The following ADGRL3 variants were observed in gnomAD, a reference collection of about 807,000 sequenced individuals.
The protein encoded by ADGRL3 is adhesion G protein-coupled receptor L3.
ADGRL3 carries 62 observed loss-of-function variants against 153.5 expected under a neutral mutation model. The observed-to-expected ratio is 0.40, with a 90% CI of 0.33 to 0.50. ADGRL3 has a LOEUF of 0.50. Among genes scored for constraint, ADGRL3 ranks in the 20% least tolerant of loss-of-function variants. The pLI is 0.47. For synonymous variants in ADGRL3, 710 were observed against 672.5 expected, an observed-to-expected ratio of 1.06 and a Z score of -0.86; for missense variants, 1,641 against 1,859.4, an observed-to-expected ratio of 0.88 and a Z score of 2.16.
At chr4:61,405,412 A>G (rs1163728516) in intron 2 of ADGRL3, among the ~76,000 whole-genome samples, 2 of 151,928 alleles carry the variant, frequency 1.3e-5, no homozygotes, top group South Asian at 2.1e-4. Flanking sequence ...ATTATGAGCT[A>G]CCTAGTTTAC....
intron 4 of ADGRL3, among the ~76,000 whole-genome samples, chr4:61,537,910 C>T (rs948944067): frequency 1.3e-5 from 2 of 152,084 alleles, no homozygotes; most frequent in African/African-American, 4.8e-5. Context: ...TCAACCTTCC[C>T]ATCGATCTCA....
At chr4:61,449,295 C>T (rs2097645824) in intron 2 of ADGRL3, among the ~76,000 whole-genome samples, 1 of 151,932 alleles carries the variant, frequency 6.6e-6, no homozygotes, top group Non-Finnish European at 1.5e-5. Flanking sequence ...CGCCACCACG[C>T]CCAGCTAATT....
chr4:61,748,393 C>T (rs1397163063), intron 8 of ADGRL3, among the ~76,000 whole-genome samples: 2 of 151,152 alleles, frequency 1.3e-5, no homozygotes, highest in Admixed American at 1.3e-4. Flanking sequence ...AAAGAGCCTG[C>T]ATTCCCAAGT....
At chr4:61,239,184 G>C (rs1387964644) in intron 1 of ADGRL3, among the ~76,000 whole-genome samples, 1 of 152,156 alleles carries the variant, frequency 6.6e-6, no homozygotes, top group Non-Finnish European at 1.5e-5. Context: ...GGTTAGGAGA[G>C]TCAAAGCATG....
chr4:61,270,760 C>T lies in ADGRL3; in HGVS notation c.-240+68995C>T, dbSNP rs1472252136. 2.0e-5 allele frequency among the ~76,000 whole-genome samples: 3 copies of T among 151,678 alleles called. No individual in the cohort carries two copies. In the East Asian group the frequency reaches 5.8e-4, roughly 29 times the overall value. ...TAATACATATGGAGTCTACTGCTTG[C>T]CATGCCCAAAGCACCTGATTTTCTC... On this transcript the variant is annotated intron_variant, in intron 1 of 26. Transcript: ENST00000683033.
intron 15 of ADGRL3, among the ~76,000 whole-genome samples, chr4:61,937,972 GT>G (rs1210154873): frequency 1.3e-5 from 2 of 152,066 alleles, no homozygotes; most frequent in African/African-American, 4.8e-5. Context: ...TCCCAGGCTG[GT>G]CTTGAACTCC....
intron 17 of ADGRL3, among the ~76,000 whole-genome samples, chr4:61,972,175 G>A (rs1053088434): frequency 1.3e-5 from 2 of 152,026 alleles, no homozygotes; most frequent in African/African-American, 2.4e-5. Context: ...GATCCCATTT[G>A]TCAGTTTTGG....
At chr4:61,641,972 T>C (rs1211801821) in intron 5 of ADGRL3, among the ~76,000 whole-genome samples, 7 of 150,642 alleles carry the variant, frequency 4.6e-5, no homozygotes, top group Non-Finnish European at 7.4e-5. Context: ...TTTTAATGAT[T>C]GCCATTCTAG....
intron 2 of ADGRL3, among the ~76,000 whole-genome samples, chr4:61,430,510 T>C (rs2097343405): frequency 6.6e-6 from 1 of 152,178 alleles, no homozygotes; most frequent in Non-Finnish European, 1.5e-5. Flanking sequence ...ACATGCAACT[T>C]GCATTAACAA....
chr4:61,971,913 G>A (rs893996965), intron 17 of ADGRL3, among the ~76,000 whole-genome samples: 6 of 152,102 alleles, frequency 3.9e-5, no homozygotes, highest in African/African-American at 1.2e-4. Context: ...GCCAGTGATG[G>A]TGAGCATTTT....
chr4:61,614,189 A>G (rs2091730774), intron 5 of ADGRL3, among the ~76,000 whole-genome samples: 1 of 152,190 alleles, frequency 6.6e-6, no homozygotes, highest in South Asian at 2.1e-4. Flanking sequence ...ATACTGGAAA[A>G]TTCAAAGGCT....
intron 4 of ADGRL3, among the ~76,000 whole-genome samples, chr4:61,534,761 GGTAT>G (rs1240618814): frequency 2.0e-5 from 3 of 151,994 alleles, no homozygotes; most frequent in Non-Finnish European, 4.4e-5. Context: ...TTGGCATATA[GGTAT>G]GCAACTGATT....
chr4:61,914,332 T>C (rs530817960), intron 13 of ADGRL3, among the ~76,000 whole-genome samples: 1 of 152,270 alleles, frequency 6.6e-6, no homozygotes, highest in Non-Finnish European at 1.5e-5. Context: ...GCTAGGTTCA[T>C]GACTCAGGCC....
chr4:62,037,862 C>T lies in ADGRL3; in HGVS notation c.3717+6C>T. ...GCTACTCCACAGGCTCACAGGTAAA[C>T]AATATTTGTTCACTGAAATGAAGTA... On this transcript the variant is annotated splice_donor_region_variant and intron_variant, in intron 24 of 26. Coordinates refer to ENST00000683033, the MANE Select transcript of ADGRL3 (RefSeq NM_001387552.1). 6.2e-7 allele frequency: 1 copy of T among 1,613,604 alleles called. No homozygotes were observed. The highest frequency in any genetic ancestry group is 8.5e-7 in the Non-Finnish European group (1 of 1,179,698).
At chr4:61,899,318 A>G (rs1296895597) in intron 11 of ADGRL3, among the ~76,000 whole-genome samples, 1 of 151,010 alleles carries the variant, frequency 6.6e-6, no homozygotes, top group African/African-American at 2.4e-5. Flanking sequence ...TTCTGCTCTG[A>G]TCTCCTACCT....
At chr4:61,409,507 A>G (rs2097057761) in intron 2 of ADGRL3, among the ~76,000 whole-genome samples, 1 of 150,072 alleles carries the variant, frequency 6.7e-6, no homozygotes. Context: ...ATGTTTAAAA[A>G]TAAGGCATTG....
rs985587933 is a variant in ADGRL3 at position 62,078,054 on chromosome 4, A to G, written c.*7146A>G. ...AATTCAAAATATGTCTTTCTAAAAAACAATAGTTTATTTTTAAAACTAACA... is the reference window on the plus strand; with the variant it reads ...AATTCAAAATATGTCTTTCTAAAAAGCAATAGTTTATTTTTAAAACTAACA... On this transcript the variant is annotated 3_prime_UTR_variant, in exon 27 of 27. Coordinates refer to ENST00000683033, the MANE Select transcript of ADGRL3 (RefSeq NM_001387552.1). 1.3e-5 allele frequency: 2 copies of G among 152,004 alleles called. No individual in the cohort carries two copies. The highest frequency in any genetic ancestry group is 2.9e-5 in the Non-Finnish European group (2 of 67,916). 9.4% of individuals were successfully genotyped at this position (152,004 alleles called of 1,614,324 possible).
chr4:61,373,333 A>G (rs1402930576), intron 1 of ADGRL3, among the ~76,000 whole-genome samples: 1 of 152,212 alleles, frequency 6.6e-6, no homozygotes, highest in Non-Finnish European at 1.5e-5. Context: ...TATTCTTAAA[A>G]TTGTAATAAG....
At position 61,245,709 on chromosome 4, in the gene ADGRL3, A is replaced by G. The variant is rs567663189; in HGVS notation, c.-240+43944A>G. ...GCAGTTTGCAAGAGGGGCAAGAGCC[A>G]TCATATTCACATTTGTCACAAATGT... On this transcript the variant is annotated intron_variant, in intron 1 of 26. Transcript: ENST00000683033. Among the ~76,000 whole-genome samples, 12 of 152,246 alleles carry G rather than the reference A, an allele frequency of 7.9e-5. No homozygotes were observed. The East Asian group carries it at 2.1e-3, about 27-fold the overall frequency.
Sources: gnomAD v4.1 joint callset for allele counts (sites outside exome capture counted in the v4.1 genomes callset) on GRCh38, gnomAD v4.1.1 for gene constraint, MANE v1.5 for transcripts, NCBI Gene and HGNC (gene_info 2026-07-23, HGNC 2026-07-21) for gene names.